The following CCBE1 variants were observed in gnomAD, a reference collection of about 807,000 sequenced individuals.
CCBE1 encodes the protein collagen and calcium-binding EGF domain-containing protein 1.
CCBE1 carries 37 observed loss-of-function variants against 50.0 expected under a neutral mutation model. The ratio of observed to expected loss-of-function variants is 0.74; its 90% CI spans 0.57 to 0.97. CCBE1 has a LOEUF of 0.97. Among genes scored for constraint, CCBE1 ranks in the 50% least tolerant of loss-of-function variants. The probability of loss-of-function intolerance (pLI) is 0.00; values close to 1 mark genes in which losing one functional copy is unlikely to be tolerated. For synonymous variants in CCBE1, 234 were observed against 203.7 expected (o/e 1.15, Z -1.27); for missense variants, 538 against 523.8 (o/e 1.03, Z -0.26).
At chr18:59,679,185 C>G (rs933762546) in intron 2 of CCBE1, among the ~76,000 whole-genome samples, 1 of 152,192 alleles carries the variant, frequency 6.6e-6, no homozygotes, top group African/African-American at 2.4e-5. Flanking sequence ...TCACAACTCA[C>G]CATTCTAGTG....
chr18:59,550,843 A>G (rs983991280), intron 2 of CCBE1, among the ~76,000 whole-genome samples: 1 of 151,894 alleles, frequency 6.6e-6, no homozygotes, highest in African/African-American at 2.4e-5. Context: ...GTCTCTACTA[A>G]AAATACAAAA....
chr18:59,535,364 C>T (rs1316266226), intron 2 of CCBE1, among the ~76,000 whole-genome samples: 2 of 152,056 alleles, frequency 1.3e-5, no homozygotes, highest in East Asian at 3.8e-4. Flanking sequence ...TATTTCACAC[C>T]AAGACTGGCA....
At chr18:59,460,475 G>A (rs1911408172) in intron 5 of CCBE1, among the ~76,000 whole-genome samples, 3 of 152,212 alleles carry the variant, frequency 2.0e-5, no homozygotes, top group Non-Finnish European at 4.4e-5. Context: ...ATGCTTATCA[G>A]CTTCTGATGT....
At position 59,432,281 on chromosome 18, in the gene CCBE1, A is replaced by G. The variant is rs892046876; in HGVS notation, c.*3627T>C. 2 of 152,104 alleles carry G rather than the reference A, an allele frequency of 1.3e-5. No individual in the cohort carries two copies. Among genetic ancestry groups the G allele is most frequent in the African/African-American group, 2.4e-5 (1 of 41,418 alleles). The allele number at this position is 152,104 out of a possible 1,614,324, so 9.4% of individuals were successfully genotyped here. ...GGCCCCATGCACTATTTTCAACAGC[A>G]TATTTTTATTCCCATTGCTTTCCAA... On this transcript the variant is annotated 3_prime_UTR_variant, in exon 11 of 11. Coordinates refer to ENST00000439986, the MANE Select transcript of CCBE1 (RefSeq NM_133459.4).
chr18:59,595,114 C>CAA (rs546035209), intron 2 of CCBE1, among the ~76,000 whole-genome samples: 745 of 73,560 alleles, frequency 0.01, 24 homozygotes, highest in African/African-American at 0.03. Flanking sequence ...GACTCTGTCT[C>CAA]AAAAAAAAAA....
At chr18:59,574,978 T>C (rs2052971989) in intron 2 of CCBE1, among the ~76,000 whole-genome samples, 1 of 151,986 alleles carries the variant, frequency 6.6e-6, no homozygotes, top group African/African-American at 2.4e-5. Flanking sequence ...ATCCAATCCA[T>C]ATAAAAAGGG....
Position 59,432,323 on chromosome 18 carries a change from T to C in CCBE1, c.*3585A>G, listed in dbSNP as rs529146173. 1.1e-4 allele frequency: 17 copies of C among 152,264 alleles called. No homozygotes were observed. Among genetic ancestry groups the C allele is most frequent in the African/African-American group, 4.1e-4 (17 of 41,526 alleles). The allele number at this position is 152,264 out of a possible 1,614,324, so 9.4% of individuals were successfully genotyped here. On this transcript the variant is annotated 3_prime_UTR_variant, in exon 11 of 11. Transcript: ENST00000439986. ...GCTTTCCAAGAACAGAGGCAACTTA[T>C]GAGGTCCTGTGAAGAGGGTGCAAAA...
At chr18:59,571,039 C>T (rs780150536) in intron 2 of CCBE1, among the ~76,000 whole-genome samples, 2 of 152,172 alleles carry the variant, frequency 1.3e-5, no homozygotes, top group Non-Finnish European at 2.9e-5. Context: ...GCCAGAAATT[C>T]ACCCTCCCAC....
chr18:59,456,555 T>C (rs970067873), intron 5 of CCBE1, among the ~76,000 whole-genome samples: 5 of 152,206 alleles, frequency 3.3e-5, no homozygotes, highest in South Asian at 2.1e-4. Context: ...CGGAATGGAT[T>C]GTCCTGCATA....
intron 2 of CCBE1, among the ~76,000 whole-genome samples, chr18:59,647,466 G>A (rs757210980): frequency 1.3e-5 from 2 of 152,118 alleles, no homozygotes; most frequent in Non-Finnish European, 2.9e-5. Flanking sequence ...ATACTTTGTA[G>A]TTTTCTGTAT....
chr18:59,671,678 G>A (rs1247345966), intron 2 of CCBE1, among the ~76,000 whole-genome samples: 1 of 151,920 alleles, frequency 6.6e-6, no homozygotes, highest in South Asian at 2.1e-4. Context: ...GCAGGAGGGT[G>A]GTCACTTGGA....
intron 2 of CCBE1, among the ~76,000 whole-genome samples, chr18:59,505,062 G>A (rs983429230): frequency 6.6e-6 from 1 of 152,124 alleles, no homozygotes; most frequent in South Asian, 2.1e-4. Context: ...GCAAAGTGAG[G>A]GAGTTAGACT....
At chr18:59,661,921 G>A (rs1002262844) in intron 2 of CCBE1, among the ~76,000 whole-genome samples, 5 of 151,610 alleles carry the variant, frequency 3.3e-5, no homozygotes, top group African/African-American at 1.2e-4. Context: ...GAGCTGAGAT[G>A]GCACCACTGT....
chr18:59,498,253 T>C (rs532515715), intron 2 of CCBE1, among the ~76,000 whole-genome samples: 1 of 152,204 alleles, frequency 6.6e-6, no homozygotes, highest in Non-Finnish European at 1.5e-5. Context: ...AACAATTGCA[T>C]TAATTTGATA....
intron 2 of CCBE1, among the ~76,000 whole-genome samples, chr18:59,612,110 C>G (rs2053576603): frequency 6.6e-6 from 1 of 152,110 alleles, no homozygotes; most frequent in Non-Finnish European, 1.5e-5. Context: ...TCTCAGTCAA[C>G]AAGTCTTTGC....
chr18:59,453,379 T>C (rs773037552), intron 6 of CCBE1, among the ~76,000 whole-genome samples: 2 of 152,242 alleles, frequency 1.3e-5, no homozygotes, highest in African/African-American at 4.8e-5. Flanking sequence ...GTGTTGGATG[T>C]ATTTATTTAT....
intron 4 of CCBE1, among the ~76,000 whole-genome samples, chr18:59,468,148 G>T (rs750050755): frequency 6.6e-6 from 1 of 152,206 alleles, no homozygotes; most frequent in Non-Finnish European, 1.5e-5. Context: ...AGCGCTTTGG[G>T]GGGGCCAAGA....
intron 2 of CCBE1, among the ~76,000 whole-genome samples, chr18:59,571,883 T>C (rs1195774428): frequency 6.6e-6 from 1 of 152,198 alleles, no homozygotes; most frequent in African/African-American, 2.4e-5. Flanking sequence ...GAGGGGCTCA[T>C]CAATCTGGAT....
At chr18:59,437,511 T>G (rs559491546) in intron 10 of CCBE1, among the ~76,000 whole-genome samples, 2 of 152,312 alleles carry the variant, frequency 1.3e-5, no homozygotes, top group African/African-American at 4.8e-5. Context: ...AACCCACGAC[T>G]CCTACCTCTG....
Sources: gnomAD v4.1 joint callset for allele counts (sites outside exome capture counted in the v4.1 genomes callset) on GRCh38, gnomAD v4.1.1 for gene constraint, MANE v1.5 for transcripts, NCBI Gene and HGNC (gene_info 2026-07-23, HGNC 2026-07-21) for gene names.